MAPRE3: variants seen among roughly 807,000 people sequenced by gnomAD.
MAPRE3 encodes microtubule-associated protein RP/EB family member 3.
A neutral mutation model predicts 30.5 loss-of-function variants in MAPRE3; 2 were observed. The ratio of observed to expected loss-of-function variants is 0.07; its 90% CI spans 0.03 to 0.21. MAPRE3 has a LOEUF of 0.21. Ranked by LOEUF, MAPRE3 falls within the 10% of genes least tolerant of loss-of-function variation. The pLI, the probability that MAPRE3 is intolerant of heterozygous loss-of-function variation, is 1.00. For synonymous variants in MAPRE3, 110 were observed against 127.7 expected (o/e 0.86, Z 0.93); for missense variants, 204 against 351.8 (o/e 0.58, Z 3.36).
chr2:27,025,650 C>A lies in MAPRE3; in HGVS notation c.537C>A (p.Ala179=), dbSNP rs180762184. 36 of 1,610,710 alleles carry A rather than the reference C, an allele frequency of 2.2e-5. No homozygotes were observed. Among genetic ancestry groups the A allele is most frequent in the South Asian group, 5.5e-5 (5 of 90,498 alleles). ...MQTSGRLSNV[A]PPCILRKNPP... Reference sequence around the variant, plus strand: ...CCTCTGGCCGGCTGAGCAATGTGGCCCCCCCCTGCATTCTCCGGAAGAATC... The same window carrying A: ...CCTCTGGCCGGCTGAGCAATGTGGCACCCCCCTGCATTCTCCGGAAGAATC... Residue 179 remains alanine (A), a synonymous_variant, in exon 5 of 7, where the codon GCC becomes GCA. Coordinates refer to ENST00000233121, the MANE Select transcript of MAPRE3 (RefSeq NM_012326.4).
intron 1 of MAPRE3, among the ~76,000 whole-genome samples, chr2:26,994,487 C>T (rs973287364): frequency 2.6e-5 from 4 of 152,206 alleles, no homozygotes; most frequent in African/African-American, 7.2e-5. Context: ...GCAGAGTGGT[C>T]CATTGGACAG....
chr2:26,984,864 CATT>C (rs1319005448), intron 1 of MAPRE3: 1 of 152,204 alleles, frequency 6.6e-6, no homozygotes, highest in Non-Finnish European at 1.5e-5. Context: ...CCCCAGGTAA[CATT>C]AGTTTTGATT....
intron 1 of MAPRE3, among the ~76,000 whole-genome samples, chr2:26,992,603 G>A (rs1038378613): frequency 6.6e-6 from 1 of 151,610 alleles, no homozygotes; most frequent in African/African-American, 2.4e-5. Context: ...GGAGAAGACA[G>A]GTCACTCAGC....
At chr2:26,978,442 C>T (rs1279106215) in intron 1 of MAPRE3, among the ~76,000 whole-genome samples, 1 of 152,210 alleles carries the variant, frequency 6.6e-6, no homozygotes, top group Non-Finnish European at 1.5e-5. Context: ...CCTCCACCCC[C>T]ACCCGCTTCC....
intron 1 of MAPRE3, among the ~76,000 whole-genome samples, chr2:27,019,988 G>T (rs1320221407): frequency 6.6e-6 from 1 of 152,186 alleles, no homozygotes; most frequent in Non-Finnish European, 1.5e-5. Flanking sequence ...CTTGGTCAAA[G>T]GCAGTTTCTC....
chr2:27,004,725 T>C lies in MAPRE3; in HGVS notation c.-7-17487T>C, dbSNP rs1472909534. 2.8e-5 allele frequency among the ~76,000 whole-genome samples: 4 copies of C among 142,716 alleles called. No individual in the cohort carries two copies. In the South Asian group the frequency reaches 8.7e-4, roughly 31 times the overall value. The allele number at this position is 142,716 out of a possible 152,430, so 93.6% of individuals were successfully genotyped here. ...GCAAATTACTAGAATATCAAGGATC[T>C]AGTAAAAAAAAAAAAAAAAAAGTAA... On this transcript the variant is annotated intron_variant, in intron 1 of 6. Transcript: ENST00000233121.
intron 1 of MAPRE3, among the ~76,000 whole-genome samples, chr2:27,004,399 T>C (rs1288579213): frequency 6.6e-6 from 1 of 152,206 alleles, no homozygotes; most frequent in African/African-American, 2.4e-5. Context: ...TTTCCACTTC[T>C]TAGCCCCTTC....
chr2:26,991,018 C>T (rs1666327593), intron 1 of MAPRE3, among the ~76,000 whole-genome samples: 1 of 152,188 alleles, frequency 6.6e-6, no homozygotes, highest in South Asian at 2.1e-4. Context: ...CTTTGGGAGG[C>T]CGAGGCGGGC....
chr2:27,019,194 C>T (rs1667058456), intron 1 of MAPRE3, among the ~76,000 whole-genome samples: 1 of 152,156 alleles, frequency 6.6e-6, no homozygotes, highest in Middle Eastern at 3.4e-3. Flanking sequence ...CGCACCCGCT[C>T]TCACACACAT....
At chr2:27,018,205 C>A (rs1156948869) in intron 1 of MAPRE3, among the ~76,000 whole-genome samples, 1 of 152,222 alleles carries the variant, frequency 6.6e-6, no homozygotes, top group Non-Finnish European at 1.5e-5. Context: ...CCAGAACCAC[C>A]CAAGACCAGA....
chr2:27,002,828 C>G (rs1015710496), intron 1 of MAPRE3: 6 of 152,242 alleles, frequency 3.9e-5, no homozygotes, highest in African/African-American at 1.2e-4. Context: ...CACCTGAGTC[C>G]TAATTCAAGG....
chr2:27,018,108 C>T (rs1667027080), intron 1 of MAPRE3, among the ~76,000 whole-genome samples: 1 of 152,150 alleles, frequency 6.6e-6, no homozygotes, highest in South Asian at 2.1e-4. Context: ...CAGTAGTCAC[C>T]CCTTGAAATT....
chr2:26,990,605 A>G (rs2148204890), intron 1 of MAPRE3, among the ~76,000 whole-genome samples: 1 of 152,352 alleles, frequency 6.6e-6, no homozygotes, highest in South Asian at 2.1e-4. Context: ...TGACTGTACA[A>G]ATAGGTATAT....
intron 1 of MAPRE3, among the ~76,000 whole-genome samples, chr2:27,004,848 G>A (rs942287871): frequency 3.3e-5 from 5 of 151,528 alleles, no homozygotes; most frequent in Admixed American, 2.0e-4. Context: ...CAGGATTTCC[G>A]GATGTTTGTT....
chr2:26,988,987 C>A (rs1050584315), intron 1 of MAPRE3, among the ~76,000 whole-genome samples: 1 of 152,206 alleles, frequency 6.6e-6, no homozygotes, highest in African/African-American at 2.4e-5. Flanking sequence ...TGTGCTCCAG[C>A]TCAGCACCTC....
chr2:26,978,353 G>A (rs181974532), intron 1 of MAPRE3, among the ~76,000 whole-genome samples: 140 of 152,266 alleles, frequency 9.2e-4, no homozygotes, highest in African/African-American at 2.9e-3. Flanking sequence ...AGTGTTTCAC[G>A]CAGGCTTATC....
chr2:27,019,159 T>TTTATTTTTCAAA (rs1458299482), intron 1 of MAPRE3, among the ~76,000 whole-genome samples: 3 of 151,992 alleles, frequency 2.0e-5, no homozygotes, highest in African/African-American at 7.3e-5. Flanking sequence ...CCTCCCAAAG[T>TTTATTTTTCAAA]GCTGGCATTA....
intron 1 of MAPRE3, among the ~76,000 whole-genome samples, chr2:27,006,623 G>T (rs1042278964): frequency 3.3e-5 from 5 of 151,938 alleles, no homozygotes; most frequent in African/African-American, 1.2e-4. Flanking sequence ...TTGTAGAGAC[G>T]GGGTCATGCT....
chr2:26,974,214 T>C (rs1665971150), intron 1 of MAPRE3, among the ~76,000 whole-genome samples: 1 of 152,172 alleles, frequency 6.6e-6, no homozygotes, highest in Admixed American at 6.5e-5. Flanking sequence ...TTCCAAAGGG[T>C]TTTAATAAAA....
Sources: gnomAD v4.1 joint callset for allele counts (sites outside exome capture counted in the v4.1 genomes callset) on GRCh38, gnomAD v4.1.1 for gene constraint, MANE v1.5 for transcripts, NCBI Gene and HGNC (gene_info 2026-07-23, HGNC 2026-07-21) for gene names.